Variants in PCDHGA10 observed in about 807,000 individuals in gnomAD.
PCDHGA10 encodes protocadherin gamma subfamily A, 10.
In PCDHGA10, 42 loss-of-function variants were observed where a neutral mutation model predicts 59.5. That is an observed-to-expected ratio of 0.71 (90% CI 0.55 to 0.91). The LOEUF is 0.91. PCDHGA10 is among the 40% of genes least tolerant of loss of function. PCDHGA10 has a pLI of 0.00. For synonymous variants in PCDHGA10, 511 were observed against 517.2 expected, an observed-to-expected ratio of 0.99 and a Z score of 0.16; for missense variants, 1,111 against 1,198.2, an observed-to-expected ratio of 0.93 and a Z score of 1.07.
rs763187246 is a variant in PCDHGA10 at position 141,477,168 on chromosome 5, A to G, written c.2437-17639A>G. ...GTGGATGTGAATGACAACGCCCCGGAGATCACAGTCACCTCCGTGTACAGC... is the reference window on the plus strand; with the variant it reads ...GTGGATGTGAATGACAACGCCCCGGGGATCACAGTCACCTCCGTGTACAGC... On this transcript the variant is annotated intron_variant, in intron 1 of 3. Transcript: ENST00000398610. The surrounding 1 kb of genome is among the most constrained non-coding windows in gnomAD (Gnocchi z 4.9). The G allele has an allele frequency of 6.2e-7, 1 of 1,614,210 alleles. No homozygotes were observed. Among genetic ancestry groups the G allele is most frequent in the Non-Finnish European group, 8.5e-7 (1 of 1,180,040 alleles).
intron 1 of PCDHGA10, chr5:141,417,843 G>C: frequency 6.5e-7 from 1 of 1,539,250 alleles, no homozygotes; most frequent in Non-Finnish European, 8.8e-7. Context: ...GGGACCCAGC[G>C]AGAACCCGAG....
At position 141,485,811 on chromosome 5, in the gene PCDHGA10, C is replaced by T; in HGVS notation, c.2437-8996C>T. 6.2e-7 allele frequency: 1 copy of T among 1,614,220 alleles called. No homozygotes were observed. The highest frequency in any genetic ancestry group is 8.5e-7 in the Non-Finnish European group (1 of 1,180,028). ...CAATCGGACTACCGCCTGGTGCTGA[C>T]TGCTGTCGATGGAGGGAACCCGCCG... On this transcript the variant is annotated intron_variant, in intron 1 of 3. Transcript: ENST00000398610. This position sits in a 1 kb window ranked among gnomAD's most constrained non-coding sequence, Gnocchi z 5.7.
rs925034052 is a variant in PCDHGA10, at chr5:141,486,630, T to G, written c.2437-8177T>G. 2 of 1,613,690 alleles carry G rather than the reference T, an allele frequency of 1.2e-6. No individual in the cohort carries two copies. Among genetic ancestry groups the G allele is most frequent in the Non-Finnish European group, 1.7e-6 (2 of 1,180,028 alleles). ...GCAGCCTCTGACCCAGACTCTGGCTTGAATGCGCTTATCTCCTACTCACTC... is the reference window on the plus strand; with the variant it reads ...GCAGCCTCTGACCCAGACTCTGGCTGGAATGCGCTTATCTCCTACTCACTC... On this transcript the variant is annotated intron_variant, in intron 1 of 3. Coordinates refer to ENST00000398610, the MANE Select transcript of PCDHGA10 (RefSeq NM_018913.3). This position sits in a 1 kb window ranked among gnomAD's most constrained non-coding sequence, Gnocchi z 5.0.
In PCDHGA10 at chr5:141,478,136, C is replaced by G. The variant is rs529858044; in HGVS notation, c.2437-16671C>G. 1.4e-4 allele frequency: 218 copies of G among 1,614,048 alleles called. 3 individuals are homozygous for G. The South Asian group carries it at 2.2e-3, about 17-fold the overall frequency. ...AGTAACCGAGGACTCTCCTGAAGCC[C>G]GAGCCGAGTTCCCCTCTGGCTCTGC... is the stretch of plus-strand genomic sequence containing the variant. On this transcript the variant is annotated intron_variant, in intron 1 of 3. Coordinates refer to ENST00000398610, the MANE Select transcript of PCDHGA10 (RefSeq NM_018913.3).
intron 1 of PCDHGA10, chr5:141,441,743 C>T (rs1298220876): frequency 1.4e-5 from 5 of 367,166 alleles, no homozygotes; most frequent in Non-Finnish European, 2.2e-5. Context: ...AGCTCGCGCT[C>T]GGCGTCAACG....
At position 141,413,134 on chromosome 5, in the gene PCDHGA10, G is replaced by A; in HGVS notation, c.-42G>A. 1 of 1,543,438 alleles carries A rather than the reference G, an allele frequency of 6.5e-7. No homozygotes were observed. Among genetic ancestry groups the A allele is most frequent in the South Asian group, 1.3e-5 (1 of 79,312 alleles). ...AAAGGAACCGGTTGAAACACACAAC[G>A]TGTCCAGTGAGGACTTTGCAGAATT... On this transcript the variant is annotated 5_prime_UTR_variant, in exon 1 of 4. In the 5' UTR this introduces an upstream ATG that the reference lacks. Coordinates refer to ENST00000398610, the MANE Select transcript of PCDHGA10 (RefSeq NM_018913.3).
rs753936459 is a variant in PCDHGA10 at position 141,501,288 on chromosome 5, TATAC to T, written c.2496-4103_2496-4100del. Among the ~76,000 whole-genome samples the T allele has an allele frequency of 4.5e-4, 37 of 81,322 alleles. No homozygotes were observed. The South Asian group carries it at 5.1e-3, about 11-fold the overall frequency. 53.4% of individuals were successfully genotyped at this position (81,322 alleles called of 152,430 possible). A position where few individuals can be genotyped will look rare whatever the true frequency, so the allele number is the denominator to read the frequency against. ...TAGTCCAGTCTATGGGATATTCCCT[TATAC>T]ACACACACACACACACACACACACA... On this transcript the variant is annotated intron_variant, in intron 2 of 3. Coordinates refer to ENST00000398610, the MANE Select transcript of PCDHGA10 (RefSeq NM_018913.3).
chr5:141,414,713 C>T lies in PCDHGA10; in HGVS notation c.1538C>T (p.Ser513Leu). 6.2e-7 allele frequency: 1 copy of T among 1,614,126 alleles called. No homozygotes were observed. Among genetic ancestry groups the T allele is most frequent in the Admixed American group, 1.7e-5 (1 of 60,036 alleles). The change falls in exon 1 of 4, where the codon TCA becomes TTA. Residue 513 changes from serine to leucine, a missense_variant. Coordinates refer to ENST00000398610, the MANE Select transcript of PCDHGA10 (RefSeq NM_018913.3). ...CTGTCCTCATACATATCCATCAACT[C>T]AGACACTGGCGTCCTGTATGCACTC... ...VPLSSYISIN[S>L]DTGVLYALRS...
chr5:141,496,467 T>A (rs1334392771), intron 2 of PCDHGA10, among the ~76,000 whole-genome samples: 1 of 152,056 alleles, frequency 6.6e-6, no homozygotes, highest in Non-Finnish European at 1.5e-5. Context: ...GAGTTATCTT[T>A]CCCCCATCCT....
Position 141,415,578 on chromosome 5 carries a change from G to A in PCDHGA10, c.2403G>A (p.Ser801=), listed in dbSNP as rs372519745. The change falls in exon 1 of 4, where the codon TCG becomes TCA. Residue 801 remains serine, a synonymous_variant. Transcript: ENST00000398610. ...KNDPLSLLDD[S]KFPIEDTPLV... ...ATCCTTTGTCTTTGTTAGATGATTCGAAGTTTCCTATAGAGGATACCCCAT... is the reference window on the plus strand; with the variant it reads ...ATCCTTTGTCTTTGTTAGATGATTCAAAGTTTCCTATAGAGGATACCCCAT... 678 of 1,613,890 alleles carry A rather than the reference G, an allele frequency of 4.2e-4. 10 individuals are homozygous for A. In the South Asian group the frequency reaches 6.8e-3, roughly 16 times the overall value.
chr5:141,413,090 C>T lies in PCDHGA10; in HGVS notation c.-86C>T. On this transcript the variant is annotated 5_prime_UTR_variant, in exon 1 of 4. Transcript: ENST00000398610. ...TAAAGTGCCCAGGCTACAGAGACACCCTGAAGCCACAGAAAGACAAAGGAA... is the reference window on the plus strand; with the variant it reads ...TAAAGTGCCCAGGCTACAGAGACACTCTGAAGCCACAGAAAGACAAAGGAA... 7.2e-7 allele frequency: 1 copy of T among 1,391,312 alleles called. No individual in the cohort carries two copies. Among genetic ancestry groups the T allele is most frequent in the South Asian group, 1.4e-5 (1 of 70,294 alleles). 86.2% of individuals were successfully genotyped at this position (1,391,312 alleles called of 1,614,324 possible). A position where few individuals can be genotyped will look rare whatever the true frequency, so the allele number is the denominator to read the frequency against.
In PCDHGA10 at chr5:141,432,460, C is replaced by T; in HGVS notation, c.2436+16849C>T. The T allele has an allele frequency of 6.2e-7, 1 of 1,614,208 alleles. No homozygotes were observed. The highest frequency in any genetic ancestry group is 8.5e-7 in the Non-Finnish European group (1 of 1,180,044). On this transcript the variant is annotated intron_variant, in intron 1 of 3. Transcript: ENST00000398610. This position sits in a 1 kb window ranked among gnomAD's most constrained non-coding sequence, Gnocchi z 6.0. ...CGCCCGAGATCCTGTACCCCGCCCTCCCCACGGACGGTTCCACTGGCGTGG... is the reference window on the plus strand; with the variant it reads ...CGCCCGAGATCCTGTACCCCGCCCTTCCCACGGACGGTTCCACTGGCGTGG...
At chr5:141,457,555 C>A (rs1425159883) in intron 1 of PCDHGA10, among the ~76,000 whole-genome samples, 2 of 152,168 alleles carry the variant, frequency 1.3e-5, no homozygotes. Context: ...GTATGATAAG[C>A]TTTGGAGCAA....
intron 1 of PCDHGA10, chr5:141,417,858 C>T (rs561149517): frequency 6.5e-7 from 1 of 1,547,240 alleles, no homozygotes. Flanking sequence ...CCCGAGCGAA[C>T]GATGGGAGGG....
intron 1 of PCDHGA10, among the ~76,000 whole-genome samples, chr5:141,468,946 C>G: frequency 7.0e-6 from 1 of 141,900 alleles, no homozygotes; most frequent in Non-Finnish European, 1.5e-5. Context: ...ATGGGGTAAA[C>G]CTGTGGTTTT....
At chr5:141,422,606 C>T in intron 1 of PCDHGA10, 1 of 1,613,904 alleles carries the variant, frequency 6.2e-7, no homozygotes, top group Non-Finnish European at 8.5e-7. Flanking sequence ...TCTTACTCTG[C>T]CTACATTCCC....
intron 1 of PCDHGA10, chr5:141,421,331 C>T: frequency 1.2e-6 from 2 of 1,613,856 alleles, no homozygotes; most frequent in East Asian, 2.2e-5. Flanking sequence ...ATCCGATATT[C>T]GGTGCCAGAA....
At chr5:141,500,215 T>G (rs888740312) in intron 2 of PCDHGA10, among the ~76,000 whole-genome samples, 8 of 150,660 alleles carry the variant, frequency 5.3e-5, no homozygotes, top group African/African-American at 1.9e-4. Context: ...TTTATTTATT[T>G]ATTTATTTAT....
intron 3 of PCDHGA10, among the ~76,000 whole-genome samples, chr5:141,506,146 T>C (rs1014881418): frequency 6.6e-6 from 1 of 152,086 alleles, no homozygotes; most frequent in African/African-American, 2.4e-5. Context: ...AAGAATATCA[T>C]TTGTCCTTAA....
Sources: gnomAD v4.1 joint callset for allele counts (sites outside exome capture counted in the v4.1 genomes callset) on GRCh38, gnomAD v4.1.1 for gene constraint, Gnocchi (gnomAD v3.1) non-coding constraint, MANE v1.5 for transcripts, NCBI Gene and HGNC (gene_info 2026-07-23, HGNC 2026-07-21) for gene names.